The following CSMD1 variants were observed in gnomAD, a reference collection of about 807,000 sequenced individuals.
CSMD1 encodes the protein CUB and Sushi multiple domains 1.
Under a neutral mutation model 417.5 loss-of-function variants are expected in CSMD1, and 213 were observed. That is an observed-to-expected ratio of 0.51 (90% CI 0.46 to 0.57). CSMD1 has a LOEUF of 0.57. Ranked by LOEUF, CSMD1 falls within the 20% of genes least tolerant of loss-of-function variation. CSMD1 has a pLI of 0.00. For synonymous variants in CSMD1, 2,862 were observed against 1,736.8 expected (o/e 1.65, Z -16.11); for missense variants, 6,923 against 4,529.7 (o/e 1.53, Z -15.17).
intron 5 of CSMD1, among the ~76,000 whole-genome samples, chr8:3,786,779 C>A (rs892810132): frequency 6.6e-6 from 1 of 152,178 alleles, no homozygotes; most frequent in Admixed American, 6.5e-5. Context: ...GGGCTATCTT[C>A]CCCTTGCGTC....
At chr8:3,059,293 G>A (rs554956369) in intron 49 of CSMD1, among the ~76,000 whole-genome samples, 2 of 148,468 alleles carry the variant, frequency 1.3e-5, no homozygotes, top group South Asian at 2.1e-4. Context: ...CAGGATAAAC[G>A]TTTACCAAAA....
At chr8:2,979,131 G>A (rs1478548418) in intron 54 of CSMD1, among the ~76,000 whole-genome samples, 1 of 152,228 alleles carries the variant, frequency 6.6e-6, no homozygotes, top group East Asian at 1.9e-4. Flanking sequence ...AGAACTAGCT[G>A]AGGTTCGTTT....
At chr8:3,421,395 TGA>T (rs1563371882) in intron 12 of CSMD1, among the ~76,000 whole-genome samples, 1 of 152,168 alleles carries the variant, frequency 6.6e-6, no homozygotes, top group Non-Finnish European at 1.5e-5. Context: ...CAAATGCAAA[TGA>T]GAGTTACTAT....
At chr8:4,557,044 G>T (rs536592071) in intron 2 of CSMD1, among the ~76,000 whole-genome samples, 58 of 152,220 alleles carry the variant, frequency 3.8e-4, no homozygotes, top group African/African-American at 1.3e-3. Flanking sequence ...TTTTATAAAG[G>T]ATTTTTTAAC....
chr8:3,214,518 G>C lies in CSMD1; in HGVS notation c.4846C>G (p.Gln1616Glu). ...TCACCATTGCAGGAGGGCAGCACTTGGTCCCAGGAGGGTTTCCCATCAGCC... is the reference window on the plus strand; with the variant it reads ...TCACCATTGCAGGAGGGCAGCACTTCGTCCCAGGAGGGTTTCCCATCAGCC... ...IGADGKPSWD[Q>E]VLPSCNAPCG... The change falls in exon 30 of 70, where the codon CAA becomes GAA. Residue 1616 changes from glutamine (Q) to glutamate (E), a missense_variant. Gln to Glu is a conservative substitution (Grantham distance 29, BLOSUM62 2). Coordinates refer to ENST00000635120, the MANE Select transcript of CSMD1 (RefSeq NM_033225.6). The C allele has an allele frequency of 6.3e-7, 1 of 1,597,982 alleles. No individual in the cohort carries two copies. Among genetic ancestry groups the C allele is most frequent in the Non-Finnish European group, 8.5e-7 (1 of 1,172,212 alleles).
intron 1 of CSMD1, among the ~76,000 whole-genome samples, chr8:4,748,149 A>G: frequency 6.6e-6 from 1 of 152,212 alleles, no homozygotes. Flanking sequence ...TCACAGAGAA[A>G]ACCCACAACA....
At chr8:3,841,312 G>A (rs1171602856) in intron 5 of CSMD1, among the ~76,000 whole-genome samples, 2 of 152,060 alleles carry the variant, frequency 1.3e-5, no homozygotes, top group Admixed American at 1.3e-4. Flanking sequence ...GCATAGATTG[G>A]CAAAATAAAT....
chr8:4,943,496 A>C (rs1808160736), intron 1 of CSMD1, among the ~76,000 whole-genome samples: 1 of 43,594 alleles, frequency 2.3e-5, no homozygotes, highest in South Asian at 1.3e-3. Context: ...ACACCGTCTC[A>C]AAAAAATAAA....
rs1005267956 is a variant in CSMD1, at chr8:3,338,440, G to C, written c.3631+4854C>G. 6.6e-5 allele frequency among the ~76,000 whole-genome samples: 10 copies of C among 152,340 alleles called. No homozygotes were observed. The East Asian group carries it at 1.5e-3, about 24-fold the overall frequency. ...TAAGTACAAGAAAGGGATAGACAGA[G>C]AATTCAGGATAGTGATGAGGGGACC... On this transcript the variant is annotated intron_variant, in intron 23 of 69. Coordinates refer to ENST00000635120, the MANE Select transcript of CSMD1 (RefSeq NM_033225.6).
At chr8:4,431,633 A>C (rs1797877807) in intron 2 of CSMD1, among the ~76,000 whole-genome samples, 1 of 152,186 alleles carries the variant, frequency 6.6e-6, no homozygotes, top group South Asian at 2.1e-4. Context: ...AAACAGACAA[A>C]CAAAAAACAG....
At chr8:3,317,997 G>C (rs956743691) in intron 23 of CSMD1, among the ~76,000 whole-genome samples, 1 of 152,104 alleles carries the variant, frequency 6.6e-6, no homozygotes, top group Non-Finnish European at 1.5e-5. Flanking sequence ...CTTTTGTAGA[G>C]ACAGGGTTTC....
intron 5 of CSMD1, among the ~76,000 whole-genome samples, chr8:3,897,793 G>A (rs1389711549): frequency 6.6e-6 from 1 of 152,082 alleles, no homozygotes; most frequent in South Asian, 2.1e-4. Context: ...GCCCAGATGG[G>A]CTATTTGCTT....
intron 6 of CSMD1, among the ~76,000 whole-genome samples, chr8:3,714,559 C>G (rs1477027732): frequency 3.9e-4 from 1 of 2,592 alleles, no homozygotes; most frequent in Admixed American, 6.4e-3. Flanking sequence ...CCATCTCTAT[C>G]CCAAAAAAAA....
chr8:4,870,606 G>C (rs1802681797), intron 1 of CSMD1, among the ~76,000 whole-genome samples: 1 of 152,064 alleles, frequency 6.6e-6, no homozygotes, highest in African/African-American at 2.4e-5. Flanking sequence ...CTTTCAGTGT[G>C]GATACTTTAT....
chr8:3,027,021 A>C (rs1809980921), intron 51 of CSMD1, among the ~76,000 whole-genome samples: 1 of 152,190 alleles, frequency 6.6e-6, no homozygotes, highest in African/African-American at 2.4e-5. Context: ...ATTTAAACAA[A>C]AAGTCACACA....
At chr8:4,912,135 A>AAAAG (rs1554518071) in intron 1 of CSMD1, among the ~76,000 whole-genome samples, 1 of 115,614 alleles carries the variant, frequency 8.6e-6, no homozygotes, top group Non-Finnish European at 1.9e-5. Context: ...AAAAAAAAAA[A>AAAAG]AAAAAAGAAA....
At chr8:4,053,367 CT>C (rs1452981086) in intron 3 of CSMD1, among the ~76,000 whole-genome samples, 1 of 151,848 alleles carries the variant, frequency 6.6e-6, no homozygotes, top group Non-Finnish European at 1.5e-5. Context: ...TCTAAATTCT[CT>C]ACAGACAGTG....
intron 4 of CSMD1, among the ~76,000 whole-genome samples, chr8:4,025,802 G>T (rs940700297): frequency 2.6e-5 from 4 of 152,122 alleles, no homozygotes; most frequent in African/African-American, 9.7e-5. Context: ...AAGGTGACTG[G>T]CCTCTGATTT....
intron 2 of CSMD1, among the ~76,000 whole-genome samples, chr8:4,456,112 A>T (rs933916984): frequency 6.6e-6 from 1 of 150,620 alleles, no homozygotes; most frequent in African/African-American, 2.4e-5. Flanking sequence ...CACTTAAAAT[A>T]AGAAGGACAT....
Sources: gnomAD v4.1 joint callset for allele counts (sites outside exome capture counted in the v4.1 genomes callset) on GRCh38, gnomAD v4.1.1 for gene constraint, MANE v1.5 for transcripts, NCBI Gene and HGNC (gene_info 2026-07-23, HGNC 2026-07-21) for gene names.